The following GSTCD variants were observed in gnomAD, a reference collection of about 807,000 sequenced individuals.
The protein encoded by GSTCD is glutathione S-transferase C-terminal domain-containing protein.
GSTCD carries 44 observed loss-of-function variants against 68.3 expected under a neutral mutation model. That is an observed-to-expected ratio of 0.64 (90% CI 0.51 to 0.83). The LOEUF (loss-of-function observed/expected upper bound fraction) is 0.83, where lower values mean the gene tolerates loss of function less well. Ranked by LOEUF, GSTCD falls within the 40% of genes least tolerant of loss-of-function variation. GSTCD has a pLI of 0.00. For missense variants in GSTCD, 739 were observed against 735.9 expected, an observed-to-expected ratio of 1.00 and a Z score of -0.05; for synonymous variants, 273 against 255.2, an observed-to-expected ratio of 1.07 and a Z score of -0.67.
At chr4:105,770,479 C>A (rs754616300) in intron 5 of GSTCD, among the ~76,000 whole-genome samples, 4 of 151,844 alleles carry the variant, frequency 2.6e-5, no homozygotes, top group Non-Finnish European at 5.9e-5. Flanking sequence ...CCCATCAATC[C>A]GTCACCTACA....
chr4:105,763,850 T>C (rs28394843), intron 5 of GSTCD, among the ~76,000 whole-genome samples: 2,240 of 152,240 alleles, frequency 0.015, 34 homozygotes, highest in African/African-American at 0.035. Flanking sequence ...AAAAAATACA[T>C]GTTTAGTAAT....
At chr4:105,735,133 C>T (rs945421110) in intron 5 of GSTCD, among the ~76,000 whole-genome samples, 1 of 152,180 alleles carries the variant, frequency 6.6e-6, no homozygotes, top group African/African-American at 2.4e-5. Context: ...GGGTCAGGGA[C>T]CCACTTGAGG....
At position 105,763,050 on chromosome 4, in the gene GSTCD, A is replaced by G. The variant is rs544125290; in HGVS notation, c.1240+33551A>G. ...AGACACACATTAGGAACCAACATCA[A>G]AATGTTTTTGTACCATATGAAAGCT... On this transcript the variant is annotated intron_variant, in intron 5 of 11. Transcript: ENST00000515279. 5.3e-5 allele frequency among the ~76,000 whole-genome samples: 8 copies of G among 152,314 alleles called. No homozygotes were observed. The South Asian group carries it at 1.7e-3, about 32-fold the overall frequency.
intron 2 of GSTCD, among the ~76,000 whole-genome samples, chr4:105,718,613 A>G (rs1291444213): frequency 1.3e-5 from 2 of 152,234 alleles, no homozygotes; most frequent in Non-Finnish European, 2.9e-5. Flanking sequence ...TACGTGTGTC[A>G]ATATTTCAGT....
At chr4:105,745,329 A>G (rs866768900) in intron 5 of GSTCD, among the ~76,000 whole-genome samples, 2 of 152,234 alleles carry the variant, frequency 1.3e-5, no homozygotes, top group Non-Finnish European at 2.9e-5. Flanking sequence ...AATGAATTCT[A>G]TGAAGAATGA....
chr4:105,764,197 A>G (rs888193206), intron 5 of GSTCD, among the ~76,000 whole-genome samples: 6 of 152,186 alleles, frequency 3.9e-5, no homozygotes, highest in Admixed American at 1.3e-4. Context: ...ATTAGCAAAA[A>G]AGTGAACAAG....
chr4:105,775,538 C>T (rs1257209063), intron 5 of GSTCD, among the ~76,000 whole-genome samples: 1 of 152,090 alleles, frequency 6.6e-6, no homozygotes, highest in East Asian at 1.9e-4. Context: ...TCTGTGTGGA[C>T]GTCCTTTTTG....
chr4:105,813,033 A>G (rs1330089637), intron 5 of GSTCD, among the ~76,000 whole-genome samples: 5 of 152,214 alleles, frequency 3.3e-5, no homozygotes, highest in African/African-American at 9.6e-5. Flanking sequence ...CTGGGGTGGT[A>G]GGTGAGAGCA....
At chr4:105,838,719 C>T (rs753244325) in intron 10 of GSTCD, among the ~76,000 whole-genome samples, 4 of 152,190 alleles carry the variant, frequency 2.6e-5, no homozygotes, top group African/African-American at 4.8e-5. Context: ...AAAACAGTTT[C>T]TAGCTTCCTA....
At chr4:105,772,288 C>G (rs1198917546) in intron 5 of GSTCD, among the ~76,000 whole-genome samples, 1 of 152,186 alleles carries the variant, frequency 6.6e-6, no homozygotes, top group African/African-American at 2.4e-5. Context: ...TCTAAATAAA[C>G]AGTCATGTCA....
At chr4:105,812,517 T>C (rs1722797301) in intron 5 of GSTCD, among the ~76,000 whole-genome samples, 1 of 152,122 alleles carries the variant, frequency 6.6e-6, no homozygotes, top group African/African-American at 2.4e-5. Flanking sequence ...ATGTTTTAAA[T>C]CAGCTATTGT....
intron 5 of GSTCD, among the ~76,000 whole-genome samples, chr4:105,760,793 T>C (rs991501804): frequency 6.6e-6 from 1 of 152,142 alleles, no homozygotes; most frequent in African/African-American, 2.4e-5. Flanking sequence ...TATTGATGGA[T>C]TGGTATAGTT....
intron 5 of GSTCD, among the ~76,000 whole-genome samples, chr4:105,757,405 G>T (rs887949671): frequency 6.6e-6 from 1 of 151,940 alleles, no homozygotes; most frequent in South Asian, 2.1e-4. Flanking sequence ...ATACCATCTG[G>T]CCAATTATAT....
chr4:105,741,569 A>G (rs542117255), intron 5 of GSTCD, among the ~76,000 whole-genome samples: 1 of 152,348 alleles, frequency 6.6e-6, no homozygotes, highest in South Asian at 2.1e-4. Context: ...TGCTTTATCC[A>G]TAATTCATCG....
intron 3 of GSTCD, among the ~76,000 whole-genome samples, chr4:105,725,558 T>G (rs1733003526): frequency 6.6e-6 from 1 of 152,078 alleles, no homozygotes; most frequent in Admixed American, 6.6e-5. Context: ...TGTTTTAACT[T>G]GTAATTCTCT....
At chr4:105,834,732 G>A in intron 9 of GSTCD, 138 bp downstream of exon 9, 1 of 698,996 alleles carries the variant, frequency 1.4e-6, no homozygotes. Flanking sequence ...TTTGTAAATT[G>A]TATAAGGAAG....
intron 5 of GSTCD, among the ~76,000 whole-genome samples, chr4:105,771,153 T>A (rs1734830210): frequency 6.6e-6 from 1 of 152,208 alleles, no homozygotes; most frequent in African/African-American, 2.4e-5. Flanking sequence ...ATATGTTTGT[T>A]GGCCACATAA....
chr4:105,795,695 T>C (rs1044977001), intron 5 of GSTCD, among the ~76,000 whole-genome samples: 2 of 152,156 alleles, frequency 1.3e-5, no homozygotes, highest in Non-Finnish European at 2.9e-5. Context: ...TTAGGGAGGT[T>C]GATCCCTTCT....
chr4:105,796,995 G>A (rs145540559), intron 5 of GSTCD, among the ~76,000 whole-genome samples: 1 of 151,888 alleles, frequency 6.6e-6, no homozygotes, highest in Admixed American at 6.6e-5. Flanking sequence ...CAAAAAGATT[G>A]ACTTGGGTAT....
Sources: gnomAD v4.1 joint callset for allele counts (sites outside exome capture counted in the v4.1 genomes callset) on GRCh38, gnomAD v4.1.1 for gene constraint, MANE v1.5 for transcripts, NCBI Gene and HGNC (gene_info 2026-07-23, HGNC 2026-07-21) for gene names.